Variants in MIGA1 observed in about 807,000 individuals in gnomAD.
MIGA1 encodes mitoguardin 1.
In MIGA1, 58 loss-of-function variants were observed where a neutral mutation model predicts 82.0. The ratio of observed to expected loss-of-function variants is 0.71; its 90% CI spans 0.57 to 0.88. The LOEUF is 0.88. MIGA1 is among the 40% of genes least tolerant of loss of function. The pLI is 0.00. For synonymous variants in MIGA1, 249 were observed against 253.6 expected (o/e 0.98, Z 0.17); for missense variants, 751 against 749.1 (o/e 1.00, Z -0.03).
At chr1:77,809,198 G>C (rs187158928) in intron 5 of MIGA1, among the ~76,000 whole-genome samples, 5 of 152,114 alleles carry the variant, frequency 3.3e-5, no homozygotes, top group Admixed American at 2.6e-4. Flanking sequence ...AGACGCCACA[G>C]GGGGGTCTTT....
chr1:77,782,869 A>G (rs1681985125), intron 1 of MIGA1: 1 of 984,728 alleles, frequency 1.0e-6, no homozygotes, highest in Non-Finnish European at 1.2e-6. Flanking sequence ...TATGAAGGAA[A>G]CCAAATGAAT....
chr1:77,806,315 T>C (rs1287293066), intron 4 of MIGA1, among the ~76,000 whole-genome samples: 1 of 152,228 alleles, frequency 6.6e-6, no homozygotes, highest in African/African-American at 2.4e-5. Flanking sequence ...ACGGTAGGGT[T>C]GACTGTTGTA....
chr1:77,822,490 T>C (rs1392215762), intron 7 of MIGA1, among the ~76,000 whole-genome samples: 1 of 152,186 alleles, frequency 6.6e-6, no homozygotes, highest in Non-Finnish European at 1.5e-5. Context: ...AAATGTTAAC[T>C]GGGAATTTAG....
At chr1:77,826,082 C>G (rs910613018) in intron 7 of MIGA1, among the ~76,000 whole-genome samples, 5 of 152,098 alleles carry the variant, frequency 3.3e-5, no homozygotes, top group African/African-American at 1.2e-4. Flanking sequence ...TTTAAAGAGG[C>G]CTGTTCTAAG....
rs1298651132 is a variant in MIGA1 at position 77,841,569 on chromosome 1, T to TA, written c.896-1727dup. Among the ~76,000 whole-genome samples, 898 of 141,332 alleles carry TA rather than the reference T, an allele frequency of 6.4e-3. 6 individuals carry two copies. Among genetic ancestry groups the TA allele is most frequent in the African/African-American group, 0.018 (707 of 38,714 alleles). The allele number at this position is 141,332 out of a possible 152,430, so 92.7% of individuals were successfully genotyped here. On this transcript the variant is annotated intron_variant, in intron 7 of 15. Transcript: ENST00000370791. ...ATTGAAGCCAGATTGATGCTTTGAA[T>TA]AAAAAAAAAAACCCATACTTCCTGG...
intron 1 of MIGA1, chr1:77,780,096 G>A: frequency 9.8e-7 from 1 of 1,018,158 alleles, no homozygotes; most frequent in Non-Finnish European, 1.2e-6. Context: ...GAGCTGGAGG[G>A]ACCCCCTTTT....
At chr1:77,809,306 A>G (rs999937007) in intron 5 of MIGA1, among the ~76,000 whole-genome samples, 1 of 152,214 alleles carries the variant, frequency 6.6e-6, no homozygotes, top group African/African-American at 2.4e-5. Context: ...CCTTAAAAAA[A>G]GATTGGTGAC....
chr1:77,845,221 T>C (rs1684790309), intron 8 of MIGA1, among the ~76,000 whole-genome samples: 1 of 152,170 alleles, frequency 6.6e-6, no homozygotes, highest in Non-Finnish European at 1.5e-5. Context: ...TTTCCACTTA[T>C]AAGTTTGCAG....
chr1:77,803,348 A>C lies in MIGA1; in HGVS notation c.452A>C (p.Asn151Thr), dbSNP rs1682963846. ...AAAGACAAAGGATCTCAAGTTTGTA[A>C]CTATGCTAATGGAGGACTTTTCAGT... Residue 151 changes from asparagine (N) to threonine (T), a missense_variant, in exon 4 of 16, where the codon AAC (asparagine) becomes ACC (threonine). Asn to Thr is a moderately conservative substitution (Grantham distance 65, BLOSUM62 0). Coordinates refer to ENST00000370791, the MANE Select transcript of MIGA1 (RefSeq NM_198549.4). The C allele has an allele frequency of 6.4e-7, 1 of 1,571,482 alleles. No individual in the cohort carries two copies. Among genetic ancestry groups the C allele is most frequent in the African/African-American group, 1.4e-5 (1 of 73,406 alleles).
At chr1:77,854,318 T>G (rs767572896) in intron 8 of MIGA1, among the ~76,000 whole-genome samples, 27 of 152,348 alleles carry the variant, frequency 1.8e-4, no homozygotes, top group South Asian at 6.2e-4. Context: ...TTCTACAATT[T>G]TGATTCACAA....
chr1:77,801,319 A>T lies in MIGA1; in HGVS notation c.196-12A>T. On this transcript the variant is annotated splice_polypyrimidine_tract_variant and intron_variant, in intron 2 of 15. Transcript: ENST00000370791. ...AAGAGATTTTTTTCAATTTTAACTGAATCTTTTCCAGATCAAATTTTCTCC... is the reference window on the plus strand; with the variant it reads ...AAGAGATTTTTTTCAATTTTAACTGTATCTTTTCCAGATCAAATTTTCTCC... The T allele has an allele frequency of 6.5e-7, 1 of 1,533,540 alleles. No individual in the cohort carries two copies. Among genetic ancestry groups the T allele is most frequent in the Non-Finnish European group, 8.7e-7 (1 of 1,150,622 alleles). The allele number at this position is 1,533,540 out of a possible 1,614,324, so 95.0% of individuals were successfully genotyped here. A position where few individuals can be genotyped will look rare whatever the true frequency, so the allele number is the denominator to read the frequency against.
chr1:77,814,452 A>G (rs1343179250), intron 6 of MIGA1, among the ~76,000 whole-genome samples: 2 of 151,784 alleles, frequency 1.3e-5, no homozygotes, highest in African/African-American at 2.4e-5. Flanking sequence ...GTGGTTGTTC[A>G]TAGGAACAAT....
chr1:77,839,847 A>G (rs1471737212), intron 7 of MIGA1, among the ~76,000 whole-genome samples: 1 of 152,034 alleles, frequency 6.6e-6, no homozygotes. Context: ...GACTCAAGTG[A>G]TCCTCCCACT....
At chr1:77,823,324 TAG>T (rs1251476072) in intron 7 of MIGA1, among the ~76,000 whole-genome samples, 1 of 152,156 alleles carries the variant, frequency 6.6e-6, no homozygotes, top group Non-Finnish European at 1.5e-5. Context: ...GAAAAACATA[TAG>T]TATGGTTCTA....
At chr1:77,801,922 A>T (rs904213889) in intron 3 of MIGA1, among the ~76,000 whole-genome samples, 1 of 152,172 alleles carries the variant, frequency 6.6e-6, no homozygotes, top group Admixed American at 6.6e-5. Flanking sequence ...ATCATTTTTA[A>T]TATATAACTA....
At chr1:77,824,983 C>CTTTTTTTTTTT (rs11375207) in intron 7 of MIGA1, among the ~76,000 whole-genome samples, 1 of 103,148 alleles carries the variant, frequency 9.7e-6, no homozygotes, top group Non-Finnish European at 1.9e-5. Flanking sequence ...TTCTATTCCT[C>CTTTTTTTTTTT]TTTTTTTTTT....
chr1:77,806,930 A>G (rs1383642446), intron 4 of MIGA1, 45 bp from the exon 5 acceptor site: 1 of 1,475,190 alleles, frequency 6.8e-7, no homozygotes, highest in South Asian at 1.2e-5. Context: ...ACAACATACT[A>G]TCATGAGAGA....
intron 2 of MIGA1, among the ~76,000 whole-genome samples, chr1:77,800,825 G>T (rs1682851377): frequency 6.6e-6 from 1 of 152,164 alleles, no homozygotes; most frequent in South Asian, 2.1e-4. Context: ...ATTACAGTAA[G>T]ATTTTAATTT....
intron 6 of MIGA1, among the ~76,000 whole-genome samples, chr1:77,814,519 C>T (rs1034944667): frequency 2.2e-4 from 33 of 152,154 alleles, no homozygotes; most frequent in Admixed American, 2.6e-4. Flanking sequence ...GCCTCAGTCT[C>T]CCAAGCAGCT....
Sources: gnomAD v4.1 joint callset for allele counts (sites outside exome capture counted in the v4.1 genomes callset) on GRCh38, gnomAD v4.1.1 for gene constraint, MANE v1.5 for transcripts, NCBI Gene and HGNC (gene_info 2026-07-23, HGNC 2026-07-21) for gene names.